NYAP2: variants seen among roughly 807,000 people sequenced by gnomAD.
NYAP2 encodes neuronal tyrosine-phosphorylated phosphoinositide-3-kinase adapter 2.
Under a neutral mutation model 50.4 loss-of-function variants are expected in NYAP2, and 23 were observed. That is an observed-to-expected ratio of 0.46 (90% CI 0.33 to 0.65). NYAP2 has a LOEUF of 0.65. Ranked by LOEUF, NYAP2 falls within the 30% of genes least tolerant of loss-of-function variation. The probability of loss-of-function intolerance (pLI) is 0.02; values close to 1 mark genes in which losing one functional copy is unlikely to be tolerated. For synonymous variants in NYAP2, 394 were observed against 365.2 expected, an observed-to-expected ratio of 1.08 and a Z score of -0.90; for missense variants, 885 against 861.0, an observed-to-expected ratio of 1.03 and a Z score of -0.35.
chr2:225,620,538 A>G (rs895887594), intron 5 of NYAP2, among the ~76,000 whole-genome samples: 2 of 152,200 alleles, frequency 1.3e-5, no homozygotes, highest in Admixed American at 1.3e-4. Flanking sequence ...TTCCCAAATA[A>G]AATTCTCCAT....
chr2:225,433,852 G>A (rs1689320303), intron 3 of NYAP2, among the ~76,000 whole-genome samples: 1 of 147,862 alleles, frequency 6.8e-6, no homozygotes, highest in East Asian at 2.0e-4. Flanking sequence ...AATTATTAGA[G>A]TCAAGCAGTT....
chr2:225,464,064 C>T (rs751769717), intron 3 of NYAP2, among the ~76,000 whole-genome samples: 2 of 152,112 alleles, frequency 1.3e-5, no homozygotes, highest in Non-Finnish European at 2.9e-5. Flanking sequence ...GTGGTGCATT[C>T]AGAGATGCTC....
chr2:225,657,472 G>T (rs938438935), downstream of NYAP2, among the ~76,000 whole-genome samples: 2 of 151,538 alleles, frequency 1.3e-5, no homozygotes, highest in Non-Finnish European at 2.9e-5. Context: ...CTTAAAGGCT[G>T]CAAAGCTCCA....
intron 5 of NYAP2, among the ~76,000 whole-genome samples, chr2:225,622,214 T>A (rs1400860989): frequency 6.6e-6 from 1 of 152,092 alleles, no homozygotes; most frequent in African/African-American, 2.4e-5. Context: ...ATCTTCTTTG[T>A]AGAGACAGTG....
intron 3 of NYAP2, among the ~76,000 whole-genome samples, chr2:225,446,951 A>G (rs966447591): frequency 6.6e-6 from 1 of 152,072 alleles, no homozygotes; most frequent in Non-Finnish European, 1.5e-5. Context: ...CTGAAGACAA[A>G]GCAGACAGTG....
intron 3 of NYAP2, among the ~76,000 whole-genome samples, chr2:225,475,969 A>C (rs188803951): frequency 9.1e-4 from 138 of 152,354 alleles, no homozygotes; most frequent in Non-Finnish European, 1.8e-3. Context: ...ATGATTTTCC[A>C]ATAAATAAGT....
intron 5 of NYAP2, among the ~76,000 whole-genome samples, chr2:225,617,068 GTC>G (rs1373957937): frequency 4.6e-5 from 7 of 152,134 alleles, no homozygotes; most frequent in Non-Finnish European, 1.5e-5. Context: ...CAGACCTTTG[GTC>G]TCTCTATTTT....
chr2:225,486,084 T>C (rs1488119344), intron 3 of NYAP2, among the ~76,000 whole-genome samples: 2 of 152,120 alleles, frequency 1.3e-5, no homozygotes, highest in Non-Finnish European at 2.9e-5. Flanking sequence ...TTTATCACTT[T>C]CTCCTTATCA....
intron 4 of NYAP2, among the ~76,000 whole-genome samples, chr2:225,534,337 C>T (rs916575451): frequency 1.3e-5 from 2 of 152,194 alleles, no homozygotes; most frequent in African/African-American, 4.8e-5. Flanking sequence ...TGTAGGCATT[C>T]TTCAGAGAGA....
intron 5 of NYAP2, among the ~76,000 whole-genome samples, chr2:225,596,091 G>A (rs1450800447): frequency 2.0e-5 from 3 of 152,084 alleles, no homozygotes. Context: ...TGATTCACAG[G>A]CATGTTCATA....
At chr2:225,590,136 A>G (rs1692471909) in intron 5 of NYAP2, among the ~76,000 whole-genome samples, 1 of 152,316 alleles carries the variant, frequency 6.6e-6, no homozygotes, top group African/African-American at 2.4e-5. Flanking sequence ...AACATCTCAA[A>G]TAAAGGTTAA....
At chr2:225,606,424 C>G (rs761367196) in intron 5 of NYAP2, among the ~76,000 whole-genome samples, 1 of 152,122 alleles carries the variant, frequency 6.6e-6, no homozygotes, top group Non-Finnish European at 1.5e-5. Flanking sequence ...ACAGGAACTT[C>G]GATTTTGTTC....
At chr2:225,649,546 C>G (rs1396219811) in intron 6 of NYAP2, among the ~76,000 whole-genome samples, 1 of 152,190 alleles carries the variant, frequency 6.6e-6, no homozygotes, top group Non-Finnish European at 1.5e-5. Context: ...GGTTTAATGT[C>G]TCTCCCCTGA....
chr2:225,627,239 A>T (rs1051754181), intron 6 of NYAP2, 113 bp downstream of exon 6: 2 of 786,788 alleles, frequency 2.5e-6, no homozygotes, highest in Non-Finnish European at 4.3e-6. Context: ...GCACACAGAG[A>T]GGCACCACAA....
At chr2:225,702,515 G>T in the NYAP2 span, 1 of 151,322 alleles carries the variant, frequency 6.6e-6, no homozygotes, top group African/African-American at 2.4e-5. Flanking sequence ...TTTTTTTTCA[G>T]ATCAAGTGTA....
chr2:225,479,816 A>G (rs192912948), intron 3 of NYAP2, among the ~76,000 whole-genome samples: 24 of 152,228 alleles, frequency 1.6e-4, no homozygotes, highest in Admixed American at 7.2e-4. Context: ...TTTTTTCTAC[A>G]TGTAATTTCA....
intron 3 of NYAP2, among the ~76,000 whole-genome samples, chr2:225,484,806 G>A (rs1047442011): frequency 6.6e-6 from 1 of 152,230 alleles, no homozygotes; most frequent in Admixed American, 6.5e-5. Context: ...TGGTCTGGTG[G>A]TTTCCAAAGC....
intron 6 of NYAP2, among the ~76,000 whole-genome samples, chr2:225,641,553 G>A (rs534098248): frequency 2.0e-5 from 3 of 151,506 alleles, no homozygotes; most frequent in Non-Finnish European, 2.9e-5. Flanking sequence ...GGTGGCTCAC[G>A]TCCGTTATCC....
At chr2:225,439,950 A>G (rs925453941) in intron 3 of NYAP2, among the ~76,000 whole-genome samples, 7 of 152,206 alleles carry the variant, frequency 4.6e-5, no homozygotes, top group Admixed American at 1.3e-4. Context: ...ACCTCTTCAC[A>G]GGGTGGCAGG....
Sources: gnomAD v4.1 joint callset for allele counts (sites outside exome capture counted in the v4.1 genomes callset) on GRCh38, gnomAD v4.1.1 for gene constraint, MANE v1.5 for transcripts, NCBI Gene and HGNC (gene_info 2026-07-23, HGNC 2026-07-21) for gene names.